The following SKAP1 variants were observed in gnomAD, a reference collection of about 807,000 sequenced individuals.
SKAP1 encodes src kinase-associated phosphoprotein 1.
Under a neutral mutation model 58.5 loss-of-function variants are expected in SKAP1, and 44 were observed. The observed-to-expected ratio is 0.75, with a 90% CI of 0.59 to 0.97. The LOEUF (loss-of-function observed/expected upper bound fraction) is 0.97, where lower values mean the gene tolerates loss of function less well. SKAP1 is among the 50% of genes least tolerant of loss of function. The pLI, the probability that SKAP1 is intolerant of heterozygous loss-of-function variation, is 0.00. For missense variants in SKAP1, 390 were observed against 435.2 expected (o/e 0.90, Z 0.92); for synonymous variants, 127 against 149.7 (o/e 0.85, Z 1.11).
At chr17:48,442,927 C>T in the SKAP1 span, among the ~76,000 whole-genome samples, 1 of 152,296 alleles carries the variant, frequency 6.6e-6, no homozygotes, top group South Asian at 2.1e-4. Flanking sequence ...CAAGCGTCTA[C>T]CATCGCCACC....
chr17:48,184,990 A>G (rs1263016677), intron 6 of SKAP1, 143 bp from the exon 7 acceptor site: 2 of 740,046 alleles, frequency 2.7e-6, no homozygotes, highest in Non-Finnish European at 4.3e-6. Flanking sequence ...GTTATTAGAG[A>G]AGCTTAAGAA....
intron 1 of SKAP1, among the ~76,000 whole-genome samples, chr17:48,402,468 T>G (rs2144551793): frequency 6.6e-6 from 1 of 152,252 alleles, no homozygotes; most frequent in Middle Eastern, 3.4e-3. Context: ...TAGCTGGGAT[T>G]ACAGGTGCAT....
intron 2 of SKAP1, among the ~76,000 whole-genome samples, chr17:48,379,933 T>C (rs1598633704): frequency 6.6e-6 from 1 of 152,258 alleles, no homozygotes; most frequent in East Asian, 1.9e-4. Flanking sequence ...CCGCCCGCCT[T>C]GGCCTCCCAA....
intron 4 of SKAP1, among the ~76,000 whole-genome samples, chr17:48,294,812 C>A (rs1598523828): frequency 6.6e-6 from 1 of 152,070 alleles, no homozygotes; most frequent in South Asian, 2.1e-4. Flanking sequence ...TCAAAAGTGG[C>A]CTAAATCTGG....
At chr17:48,258,895 A>G (rs1224640871) in intron 4 of SKAP1, among the ~76,000 whole-genome samples, 1 of 152,116 alleles carries the variant, frequency 6.6e-6, no homozygotes, top group African/African-American at 2.4e-5. Flanking sequence ...AGAATAAAAT[A>G]TTTCTCATCA....
Position 48,365,210 on chromosome 17 carries a change from A to G in SKAP1, c.153-1396T>C, listed in dbSNP as rs556348734. ...CAATCCTCCCACTTTGGCATCCCAA[A>G]GTGTTGGGATTGCAGGGATGAGCCA... is the stretch of plus-strand genomic sequence containing the variant. On this transcript the variant is annotated intron_variant, in intron 2 of 12. Transcript: ENST00000336915. 2.0e-5 allele frequency among the ~76,000 whole-genome samples: 3 copies of G among 152,268 alleles called. No individual in the cohort carries two copies. In the South Asian group the frequency reaches 6.2e-4, roughly 32 times the overall value.
chr17:48,134,401 C>G (rs1407749722), intron 12 of SKAP1, among the ~76,000 whole-genome samples: 1 of 152,184 alleles, frequency 6.6e-6, no homozygotes, highest in African/African-American at 2.4e-5. Context: ...TCACTGCAAC[C>G]TCCGCCTCGT....
intron 11 of SKAP1, among the ~76,000 whole-genome samples, chr17:48,145,367 T>C (rs2063817703): frequency 6.6e-6 from 1 of 151,524 alleles, no homozygotes; most frequent in South Asian, 2.1e-4. Flanking sequence ...AAAGTGTTTA[T>C]GGCAGATTTC....
intron 4 of SKAP1, among the ~76,000 whole-genome samples, chr17:48,255,454 G>T (rs1598476541): frequency 6.7e-6 from 1 of 150,196 alleles, no homozygotes; most frequent in Non-Finnish European, 1.5e-5. Context: ...ACATATAGTT[G>T]TACTGCACAT....
chr17:48,340,771 TA>T (rs2066641072), intron 4 of SKAP1, among the ~76,000 whole-genome samples: 1 of 152,196 alleles, frequency 6.6e-6, no homozygotes, highest in Non-Finnish European at 1.5e-5. Context: ...AAGGAAATGA[TA>T]AAACACTTAG....
chr17:48,264,440 T>A (rs2065519817), intron 4 of SKAP1, among the ~76,000 whole-genome samples: 1 of 152,318 alleles, frequency 6.6e-6, no homozygotes, highest in African/African-American at 2.4e-5. Context: ...ACATTTTATT[T>A]GTTTTCTTGG....
At chr17:48,158,346 A>G (rs1252184588) in intron 11 of SKAP1, among the ~76,000 whole-genome samples, 1 of 150,744 alleles carries the variant, frequency 6.6e-6, no homozygotes, top group Non-Finnish European at 1.5e-5. Context: ...GGAGATCCAG[A>G]CCATTCTGGC....
intron 4 of SKAP1, among the ~76,000 whole-genome samples, chr17:48,278,803 G>C (rs984575867): frequency 6.6e-5 from 10 of 152,198 alleles, no homozygotes; most frequent in South Asian, 2.1e-4. Context: ...CAGATTTTAG[G>C]GGGGAGAAAA....
intron 4 of SKAP1, among the ~76,000 whole-genome samples, chr17:48,252,932 A>G (rs970830261): frequency 3.3e-5 from 5 of 152,274 alleles, no homozygotes; most frequent in East Asian, 3.9e-4. Flanking sequence ...GTTTAATGGC[A>G]TAGTAAGAGT....
intron 4 of SKAP1, among the ~76,000 whole-genome samples, chr17:48,295,821 G>A (rs1323644409): frequency 6.6e-6 from 1 of 151,566 alleles, no homozygotes; most frequent in Non-Finnish European, 1.5e-5. Flanking sequence ...AGATATCACC[G>A]AGAGTGATAT....
intron 4 of SKAP1, among the ~76,000 whole-genome samples, chr17:48,197,194 G>A (rs2064645811): frequency 1.3e-5 from 2 of 150,172 alleles, no homozygotes; most frequent in Non-Finnish European, 1.5e-5. Flanking sequence ...GGAGGCGGAT[G>A]TGGCAGTGAG....
chr17:48,404,722 G>A (rs2067547894), intron 1 of SKAP1, among the ~76,000 whole-genome samples: 1 of 151,806 alleles, frequency 6.6e-6, no homozygotes, highest in Non-Finnish European at 1.5e-5. Flanking sequence ...AAGCAAAATA[G>A]CATAAAAGTG....
chr17:48,379,297 G>C (rs1298207855), intron 2 of SKAP1, among the ~76,000 whole-genome samples: 2 of 152,128 alleles, frequency 1.3e-5, no homozygotes, highest in African/African-American at 4.8e-5. Context: ...TGAAGAAAAT[G>C]ATTTAATACA....
At chr17:48,193,929 TA>T (rs1567814913) in intron 4 of SKAP1, among the ~76,000 whole-genome samples, 2 of 152,148 alleles carry the variant, frequency 1.3e-5, no homozygotes, top group Admixed American at 1.3e-4. Flanking sequence ...AGTATACAAT[TA>T]AAAAAAGAAG....
Sources: gnomAD v4.1 joint callset for allele counts (sites outside exome capture counted in the v4.1 genomes callset) on GRCh38, gnomAD v4.1.1 for gene constraint, MANE v1.5 for transcripts, NCBI Gene and HGNC (gene_info 2026-07-23, HGNC 2026-07-21) for gene names.